The following ADAMTS9 variants were observed in gnomAD, a reference collection of about 807,000 sequenced individuals.
ADAMTS9 encodes ADAM metallopeptidase with thrombospondin type 1 motif 9.
ADAMTS9 carries 107 observed loss-of-function variants against 257.1 expected under a neutral mutation model. That is an observed-to-expected ratio of 0.42 (90% CI 0.36 to 0.49). ADAMTS9 has a LOEUF of 0.49. Among genes scored for constraint, ADAMTS9 ranks in the 20% least tolerant of loss-of-function variants. The pLI is 0.03. For synonymous variants in ADAMTS9, 982 were observed against 880.9 expected, an observed-to-expected ratio of 1.11 and a Z score of -2.03; for missense variants, 2,353 against 2,469.1, an observed-to-expected ratio of 0.95 and a Z score of 1.00.
At position 64,654,345 on chromosome 3, in the gene ADAMTS9, T is replaced by A. The variant is rs1576164532; in HGVS notation, c.1316+8A>T. ...CAAATTAAATGAAATTACTGAAAGG[T>A]AACTCACACATGGCCCAGCTCATGG... On this transcript the variant is annotated splice_region_variant and intron_variant, in intron 8 of 39. Coordinates refer to ENST00000498707, the MANE Select transcript of ADAMTS9 (RefSeq NM_182920.2). 2.5e-6 allele frequency: 4 copies of A among 1,607,746 alleles called. No homozygotes were observed. Among genetic ancestry groups the A allele is most frequent in the African/African-American group, 1.3e-5 (1 of 74,544 alleles).
intron 10 of ADAMTS9, among the ~76,000 whole-genome samples, chr3:64,648,773 G>T (rs1700859497): frequency 1.3e-5 from 2 of 152,146 alleles, no homozygotes; most frequent in Non-Finnish European, 2.9e-5. Context: ...GTTCCCAGAT[G>T]TAGATCATTT....
At chr3:64,583,768 C>A in intron 28 of ADAMTS9, 1 of 152,172 alleles carries the variant, frequency 6.6e-6, no homozygotes, top group East Asian at 1.9e-4. Flanking sequence ...TTGGTGAGGT[C>A]AGGGCACACA....
At chr3:64,656,320 T>C (rs1358969902) in intron 4 of ADAMTS9, among the ~76,000 whole-genome samples, 3 of 152,204 alleles carry the variant, frequency 2.0e-5, no homozygotes, top group South Asian at 4.1e-4. Context: ...TTTTGCAGTA[T>C]TATAATTAAT....
Position 64,687,583 on chromosome 3 carries a change from G to T in ADAMTS9, c.75C>A (p.Ala25=). ...RDLAEMGSPD[A]AAAVRKDRLH... ...GCCTGTCCTTGCGCACGGCCGCCGC[G>T]GCGTCTGGGCTCCCCATCTCGGCCA... The change falls in exon 1 of 40, where the codon GCC becomes GCA. Residue 25 remains alanine, a synonymous_variant. Coordinates refer to ENST00000498707, the MANE Select transcript of ADAMTS9 (RefSeq NM_182920.2). The surrounding 1 kb of genome is among the most constrained non-coding windows in gnomAD (Gnocchi z 4.4). The T allele has an allele frequency of 6.3e-7, 1 of 1,575,868 alleles. No individual in the cohort carries two copies. The highest frequency in any genetic ancestry group is 8.6e-7 in the Non-Finnish European group (1 of 1,161,986).
In ADAMTS9 at chr3:64,546,812, A is replaced by G; in HGVS notation, c.5010T>C (p.Cys1670=). ...CCGAGACAGGGCAGTCCCTCAGGTA[A>G]CAGGGGTGAACACTGGGGGGCTGCG... is the stretch of plus-strand genomic sequence containing the variant. ...PGTQPPSVHP[C]YLRDCPVSAT... is the part of the protein sequence containing the mutation. Residue 1670 remains cysteine (C), a synonymous_variant, in exon 32 of 40, where the codon TGT becomes TGC. Transcript: ENST00000498707. 6.2e-7 allele frequency: 1 copy of G among 1,613,816 alleles called. No homozygotes were observed. The highest frequency in any genetic ancestry group is 8.5e-7 in the Non-Finnish European group (1 of 1,179,848).
At chr3:64,576,328 A>G (rs1345267573) in intron 28 of ADAMTS9, among the ~76,000 whole-genome samples, 18 of 152,180 alleles carry the variant, frequency 1.2e-4, no homozygotes, top group Admixed American at 1.2e-3. Flanking sequence ...ACCATTACAG[A>G]ATCCACAGTC....
chr3:64,542,284 A>AT (rs1015227292), intron 32 of ADAMTS9, among the ~76,000 whole-genome samples: 2 of 152,124 alleles, frequency 1.3e-5, no homozygotes, highest in African/African-American at 4.8e-5. Context: ...ATGAGATAGT[A>AT]TTACCATTAT....
At chr3:64,578,333 A>C (rs1416199571) in intron 28 of ADAMTS9, among the ~76,000 whole-genome samples, 3 of 151,948 alleles carry the variant, frequency 2.0e-5, no homozygotes, top group Admixed American at 2.0e-4. Flanking sequence ...AAAGGACGGG[A>C]TGAGCAGTAA....
intron 27 of ADAMTS9, 95 bp from the exon 28 acceptor site, chr3:64,594,529 G>A: frequency 2.0e-6 from 3 of 1,486,018 alleles, no homozygotes; most frequent in Admixed American, 1.8e-5. Flanking sequence ...CTCAATTATG[G>A]CATTGGGCAA....
intron 30 of ADAMTS9, among the ~76,000 whole-genome samples, chr3:64,557,582 A>G (rs1561988): frequency 0.24 from 37,154 of 152,000 alleles, 4,863 homozygotes; most frequent in East Asian, 0.51. Flanking sequence ...AACTGCTGTC[A>G]TCACCAGAAG....
intron 16 of ADAMTS9, among the ~76,000 whole-genome samples, chr3:64,628,794 G>C (rs1700292952): frequency 6.6e-6 from 1 of 152,314 alleles, no homozygotes; most frequent in Non-Finnish European, 1.5e-5. Flanking sequence ...AGTCATTAAA[G>C]ACAGCATTGA....
chr3:64,560,195 T>C (rs942237526), intron 30 of ADAMTS9, among the ~76,000 whole-genome samples: 3 of 152,250 alleles, frequency 2.0e-5, no homozygotes, highest in African/African-American at 7.2e-5. Context: ...TGCTAGGATA[T>C]GAACCAAGTC....
Position 64,558,557 on chromosome 3 carries a change from G to A in ADAMTS9, c.4698+3021C>T, listed in dbSNP as rs529227398. On this transcript the variant is annotated intron_variant, in intron 30 of 39. Coordinates refer to ENST00000498707, the MANE Select transcript of ADAMTS9 (RefSeq NM_182920.2). ...TGTGCAGTATACAACCTGTGTGGCT[G>A]TACAGAACATCCCTGATGACCATGG... Among the ~76,000 whole-genome samples, 3 of 152,232 alleles carry A rather than the reference G, an allele frequency of 2.0e-5. No homozygotes were observed. The South Asian group carries it at 6.2e-4, about 32-fold the overall frequency.
At chr3:64,576,794 G>A (rs2083862360) in intron 28 of ADAMTS9, among the ~76,000 whole-genome samples, 2 of 152,152 alleles carry the variant, frequency 1.3e-5, no homozygotes, top group African/African-American at 2.4e-5. Context: ...AAGGAACCAA[G>A]ATTCACATGT....
chr3:64,548,627 G>C (rs2083232306), intron 31 of ADAMTS9, among the ~76,000 whole-genome samples: 1 of 151,938 alleles, frequency 6.6e-6, no homozygotes, highest in African/African-American at 2.4e-5. Context: ...ACAGGCATTT[G>C]CTGATGGAAC....
intron 37 of ADAMTS9, among the ~76,000 whole-genome samples, chr3:64,538,749 A>G (rs1370262595): frequency 6.6e-6 from 1 of 152,176 alleles, no homozygotes; most frequent in Non-Finnish European, 1.5e-5. Context: ...CCATTTAGTG[A>G]CATAATGTTG....
intron 2 of ADAMTS9, among the ~76,000 whole-genome samples, chr3:64,684,553 G>C (rs139303592): frequency 6.6e-4 from 101 of 152,256 alleles, no homozygotes; most frequent in Middle Eastern, 3.4e-3. Flanking sequence ...GAAGACAAAG[G>C]GGCAGGGGTT....
chr3:64,687,774 C>T lies in ADAMTS9; in HGVS notation c.-117G>A. 2 of 758,188 alleles carry T rather than the reference C, an allele frequency of 2.6e-6. No homozygotes were observed. Among genetic ancestry groups the T allele is most frequent in the Non-Finnish European group, 4.0e-6 (2 of 502,050 alleles). The allele number at this position is 758,188 out of a possible 1,614,324, so 47.0% of individuals were successfully genotyped here. ...GCGCGCGGAGCCCGGCGCCCGCCGC[C>T]AACTTTTGACTTTAGGAGTCGCTGA... On this transcript the variant is annotated 5_prime_UTR_variant, in exon 1 of 40. Transcript: ENST00000498707. The surrounding 1 kb of genome is among the most constrained non-coding windows in gnomAD (Gnocchi z 4.4).
intron 28 of ADAMTS9, among the ~76,000 whole-genome samples, chr3:64,591,312 C>T (rs1309267485): frequency 6.6e-6 from 1 of 151,866 alleles, no homozygotes; most frequent in African/African-American, 2.4e-5. Flanking sequence ...TGGTGGTGGG[C>T]ACCTATAATC....
Sources: allele counts gnomAD v4.1 joint callset (sites outside exome capture counted in the v4.1 genomes callset), GRCh38; gene constraint gnomAD v4.1.1; non-coding constraint Gnocchi (gnomAD v3.1); transcripts MANE v1.5; gene names NCBI Gene and HGNC (gene_info 2026-07-23, HGNC 2026-07-21).